The following HMCN1 variants were observed in gnomAD, a reference collection of about 807,000 sequenced individuals.
HMCN1 encodes hemicentin 1.
A neutral mutation model predicts 625.9 loss-of-function variants in HMCN1; 321 were observed. The observed-to-expected ratio is 0.51, with a 90% CI of 0.47 to 0.56. The LOEUF (loss-of-function observed/expected upper bound fraction) is 0.56, where lower values mean the gene tolerates loss of function less well. Ranked by LOEUF, HMCN1 falls within the 20% of genes least tolerant of loss-of-function variation. The pLI, the probability that HMCN1 is intolerant of heterozygous loss-of-function variation, is 0.00. For missense variants in HMCN1, 6,588 were observed against 6,887.3 expected (o/e 0.96, Z 1.54); for synonymous variants, 2,425 against 2,417.6 (o/e 1.00, Z -0.09).
rs768781227 is a variant in HMCN1, at chr1:186,165,120, G to A, written c.15266G>A (p.Ser5089Asn). ...IHASISKGDRSNQCPSGFTLD... is the reference protein window; with the variant it reads ...IHASISKGDRNNQCPSGFTLD... ...TTCCTCTCTGTGGTAGGAGATCGCA[G>A]TAATCAGTGCCCCTCCGGGTTTACC... is the stretch of plus-strand genomic sequence containing the variant. Residue 5089 changes from serine (S) to asparagine (N), a missense_variant, in exon 98 of 107, where the codon AGT becomes AAT. Ser to Asn is a conservative substitution (Grantham distance 46). Transcript: ENST00000271588. 1 of 1,614,078 alleles carries A rather than the reference G, an allele frequency of 6.2e-7. No homozygotes were observed. The highest frequency in any genetic ancestry group is 8.5e-7 in the Non-Finnish European group (1 of 1,179,980).
chr1:186,138,628 G>A (rs761206914), intron 89 of HMCN1, among the ~76,000 whole-genome samples: 2 of 152,168 alleles, frequency 1.3e-5, no homozygotes, highest in Non-Finnish European at 2.9e-5. Context: ...TCCATGTGGT[G>A]GAAACAATGG....
intron 8 of HMCN1, 30 bp from the exon 9 acceptor site, chr1:185,925,017 T>TTTTGC: frequency 6.4e-7 from 1 of 1,565,402 alleles, no homozygotes. Context: ...TGCTTAAGTT[T>TTTTGC]TTTGTTTTTG....
intron 1 of HMCN1, among the ~76,000 whole-genome samples, chr1:185,819,020 C>G (rs1660016947): frequency 6.6e-6 from 1 of 151,608 alleles, no homozygotes; most frequent in African/African-American, 2.4e-5. Flanking sequence ...GGGCGGATCA[C>G]AAGGTCAGGA....
At chr1:186,003,618 T>G (rs1008472482) in intron 28 of HMCN1, 100 bp from the exon 29 acceptor site, 14 of 1,106,106 alleles carry the variant, frequency 1.3e-5, no homozygotes, top group Non-Finnish European at 1.8e-5. Flanking sequence ...GACATTAAGA[T>G]CTTGTTGAAA....
intron 63 of HMCN1, among the ~76,000 whole-genome samples, chr1:186,090,553 A>G (rs987083353): frequency 6.6e-6 from 1 of 152,022 alleles, no homozygotes; most frequent in Non-Finnish European, 1.5e-5. Flanking sequence ...AAATAATTAT[A>G]TCAACTTACA....
chr1:185,782,568 C>G (rs967564361), intron 1 of HMCN1, among the ~76,000 whole-genome samples: 3 of 152,176 alleles, frequency 2.0e-5, no homozygotes, highest in Non-Finnish European at 2.9e-5. Flanking sequence ...TCAGCATTTG[C>G]TTGTCTGTAA....
At chr1:185,943,410 G>T (rs1167454544) in intron 11 of HMCN1, among the ~76,000 whole-genome samples, 1 of 152,234 alleles carries the variant, frequency 6.6e-6, no homozygotes, top group African/African-American at 2.4e-5. Context: ...CACAACCGTT[G>T]TCTGCTGTAG....
intron 36 of HMCN1, among the ~76,000 whole-genome samples, chr1:186,029,786 C>T (rs180834632): frequency 6.6e-6 from 1 of 151,500 alleles, no homozygotes; most frequent in Non-Finnish European, 1.5e-5. Flanking sequence ...AGAGTTTACT[C>T]TTCTTTTTTT....
At chr1:186,119,910 A>G (rs1396851810) in intron 79 of HMCN1, 28 bp downstream of exon 79, 8 of 1,614,088 alleles carry the variant, frequency 5.0e-6, no homozygotes, top group Non-Finnish European at 6.8e-6. Flanking sequence ...TCTATCAAGA[A>G]AATCATAGCA....
chr1:185,913,412 G>A (rs1055130704), intron 6 of HMCN1, among the ~76,000 whole-genome samples: 1 of 152,154 alleles, frequency 6.6e-6, no homozygotes, highest in African/African-American at 2.4e-5. Context: ...AATATCACTA[G>A]CATTGAGTCT....
At chr1:185,850,650 A>G (rs1284633089) in intron 2 of HMCN1, among the ~76,000 whole-genome samples, 1 of 152,140 alleles carries the variant, frequency 6.6e-6, no homozygotes, top group Non-Finnish European at 1.5e-5. Context: ...CAGACACTCT[A>G]TAAGATTATA....
At position 185,987,444 on chromosome 1, in the gene HMCN1, T is replaced by C; in HGVS notation, c.2948T>C (p.Ile983Thr). ...CTTACCTTTTCAGTTCTGCCAACCATTCAGCATGGGCAGCAGATACTCAGT... is the reference window on the plus strand; with the variant it reads ...CTTACCTTTTCAGTTCTGCCAACCACTCAGCATGGGCAGCAGATACTCAGT... ...TSVVVHVLPT[I>T]QHGQQILSTI... Residue 983 changes from isoleucine to threonine, a missense_variant, in exon 20 of 107, where the codon ATT becomes ACT. Ile to Thr is a moderately conservative substitution (Grantham distance 89). Transcript: ENST00000271588. 2 of 1,612,414 alleles carry C rather than the reference T, an allele frequency of 1.2e-6. No individual in the cohort carries two copies. The highest frequency in any genetic ancestry group is 1.7e-6 in the Non-Finnish European group (2 of 1,178,448).
chr1:185,942,151 A>G (rs961963804), intron 11 of HMCN1, among the ~76,000 whole-genome samples: 2 of 150,568 alleles, frequency 1.3e-5, no homozygotes, highest in Non-Finnish European at 3.0e-5. Context: ...AGATCACGCC[A>G]CTGCACTCCA....
At chr1:185,769,714 A>G (rs1325440397) in intron 1 of HMCN1, among the ~76,000 whole-genome samples, 1 of 152,126 alleles carries the variant, frequency 6.6e-6, no homozygotes, top group Admixed American at 6.5e-5. Flanking sequence ...TCAGCTGGGC[A>G]GTTCTTTTGG....
Position 186,187,934 on chromosome 1 carries a change from G to A in HMCN1, c.16466G>A (p.Cys5489Tyr). 6.2e-7 allele frequency: 1 copy of A among 1,613,792 alleles called. No homozygotes were observed. Among genetic ancestry groups the A allele is most frequent in the East Asian group, 2.2e-5 (1 of 44,862 alleles). The change falls in exon 106 of 107, where the codon TGC (cysteine) becomes TAC (tyrosine). Residue 5489 changes from cysteine (C) to tyrosine (Y), a missense_variant. Cys to Tyr is a radical substitution (Grantham distance 194). Transcript: ENST00000271588. The stretch of plus-strand genomic sequence containing the variant: ...GTGCACTGTGGACCCAATCGCATGT[G>A]CTTCAACATGAGAGGAAGCTACCAG... ...QNVHCGPNRM[C>Y]FNMRGSYQCI... is the part of the protein sequence containing the mutation.
chr1:186,021,446 C>A (rs1654715070), intron 35 of HMCN1, among the ~76,000 whole-genome samples: 1 of 151,932 alleles, frequency 6.6e-6, no homozygotes, highest in Admixed American at 6.6e-5. Context: ...GACATATTGG[C>A]ACATTAACAA....
At position 186,015,976 on chromosome 1, in the gene HMCN1, G is replaced by A; in HGVS notation, c.4928G>A (p.Gly1643Asp). The A allele has an allele frequency of 1.2e-6, 2 of 1,613,318 alleles. No individual in the cohort carries two copies. The highest frequency in any genetic ancestry group is 8.5e-7 in the Non-Finnish European group (1 of 1,179,418). Residue 1643 changes from glycine to aspartate, a missense_variant, in exon 32 of 107, where the codon GGC becomes GAC. Transcript: ENST00000271588. Reference sequence around the variant, plus strand: ...TCCCTAGTTCCTCCAATGATTGAAGGCAACTTGGCCACGCCTTTGAATAAG... The same window carrying A: ...TCCCTAGTTCCTCCAATGATTGAAGACAACTTGGCCACGCCTTTGAATAAG... Reference protein sequence around the residue: ...VDVYVPPMIEGNLATPLNKQV... With the variant: ...VDVYVPPMIEDNLATPLNKQV...
In HMCN1 at chr1:186,095,370, G is replaced by A; in HGVS notation, c.10422G>A (p.Gln3474=). 1 of 1,613,724 alleles carries A rather than the reference G, an allele frequency of 6.2e-7. No individual in the cohort carries two copies. The highest frequency in any genetic ancestry group is 8.5e-7 in the Non-Finnish European group (1 of 1,179,844). Residue 3474 remains glutamine (Q), a synonymous_variant, in exon 68 of 107, where the codon CAG becomes CAA. Coordinates refer to ENST00000271588, the MANE Select transcript of HMCN1 (RefSeq NM_031935.3). The stretch of plus-strand genomic sequence containing the variant: ...GTATGGCCTGGCTTAGAGATGGCCA[G>A]CCTCTGGGGCTTGATGCCCATCTGA... The part of the protein sequence containing the change: ...APSMAWLRDG[Q]PLGLDAHLTV...
chr1:185,986,752 G>A (rs548226246), intron 19 of HMCN1, among the ~76,000 whole-genome samples: 21 of 150,956 alleles, frequency 1.4e-4, no homozygotes, highest in African/African-American at 5.1e-4. Flanking sequence ...CAGCACTTTG[G>A]GAGGCTGTGG....
Sources: gnomAD v4.1 joint callset for allele counts (sites outside exome capture counted in the v4.1 genomes callset) on GRCh38, gnomAD v4.1.1 for gene constraint, MANE v1.5 for transcripts, NCBI Gene and HGNC (gene_info 2026-07-23, HGNC 2026-07-21) for gene names.